NUDT3: variants seen among roughly 807,000 people sequenced by gnomAD.
The protein encoded by NUDT3 is nudix hydrolase 3.
A neutral mutation model predicts 23.6 loss-of-function variants in NUDT3; 9 were observed. The observed-to-expected ratio is 0.38, with a 90% confidence interval of 0.23 to 0.66. The LOEUF is 0.66. NUDT3 is among the 30% of genes least tolerant of loss of function. NUDT3 has a pLI of 0.52. For synonymous variants in NUDT3, 86 were observed against 82.6 expected, an observed-to-expected ratio of 1.04 and a Z score of -0.22; for missense variants, 172 against 218.5, an observed-to-expected ratio of 0.79 and a Z score of 1.34.
At chr6:34,390,580 T>A (rs376120825) in intron 1 of NUDT3, among the ~76,000 whole-genome samples, 2 of 152,166 alleles carry the variant, frequency 1.3e-5, no homozygotes, top group South Asian at 2.1e-4. Context: ...GTTGGCCAGG[T>A]TGGTCTCGAA....
At chr6:34,391,229 G>A (rs1033607859) in intron 1 of NUDT3, among the ~76,000 whole-genome samples, 3 of 152,100 alleles carry the variant, frequency 2.0e-5, no homozygotes, top group Non-Finnish European at 2.9e-5. Flanking sequence ...GCACTGTACT[G>A]CGGCCCTGCC....
intron 1 of NUDT3, among the ~76,000 whole-genome samples, chr6:34,364,230 T>C (rs1262687320): frequency 6.6e-6 from 1 of 152,182 alleles, no homozygotes; most frequent in African/African-American, 2.4e-5. Flanking sequence ...GAAAACATGA[T>C]TGGTGGAGGA....
In NUDT3 at chr6:34,315,224, G is replaced by A. The variant is rs74367114; in HGVS notation, c.211-19539C>T. ...TGGTTTTGAATTCTTAAGTGATTCT[G>A]GTTCTCTTATTACCTGAAAGCCTCC... On this transcript the variant is annotated intron_variant, in intron 2 of 4. Coordinates refer to ENST00000607016, the MANE Select transcript of NUDT3 (RefSeq NM_006703.4). Among the ~76,000 whole-genome samples the A allele has an allele frequency of 4.4e-3, 675 of 152,224 alleles. 7 individuals carry two copies. The highest frequency in any genetic ancestry group is 0.014 in the East Asian group (75 of 5,186).
rs1216231231 is a variant in NUDT3, at chr6:34,281,117, G to A, written c.*7636C>T. 1 of 152,214 alleles carries A rather than the reference G, an allele frequency of 6.6e-6. No homozygotes were observed. The highest frequency in any genetic ancestry group is 1.5e-5 in the Non-Finnish European group (1 of 68,050). The allele number at this position is 152,214 out of a possible 1,614,324, so 9.4% of individuals were successfully genotyped here. A position where few individuals can be genotyped will look rare whatever the true frequency, so the allele number is the denominator to read the frequency against. On this transcript the variant is annotated 3_prime_UTR_variant, in exon 5 of 5. Transcript: ENST00000607016. ...TTATAAGTAGAATGGTCCCAGGGAT[G>A]TTAACCTTTCTGATGCTGATAGTAG...
At chr6:34,380,169 C>T (rs1764989988) in intron 1 of NUDT3, among the ~76,000 whole-genome samples, 1 of 151,824 alleles carries the variant, frequency 6.6e-6, no homozygotes, top group African/African-American at 2.4e-5. Context: ...CTGCAACTTC[C>T]ACCTCCCGAG....
At position 34,280,001 on chromosome 6, in the gene NUDT3, G is replaced by T. The variant is rs1207503738; in HGVS notation, c.*8752C>A. 3 of 152,278 alleles carry T rather than the reference G, an allele frequency of 2.0e-5. No individual in the cohort carries two copies. The highest frequency in any genetic ancestry group is 2.9e-5 in the Non-Finnish European group (2 of 68,160). The allele number at this position is 152,278 out of a possible 1,614,324, so 9.4% of individuals were successfully genotyped here. A position where few individuals can be genotyped will look rare whatever the true frequency, so the allele number is the denominator to read the frequency against. On this transcript the variant is annotated 3_prime_UTR_variant, in exon 5 of 5. Coordinates refer to ENST00000607016, the MANE Select transcript of NUDT3 (RefSeq NM_006703.4). ...TGGCCTGTTCTTTAGAGAGGAAGGT[G>T]GGATGGTATCTGCTGTGTACCTGTC...
rs141744185 is a variant in NUDT3 at position 34,381,506 on chromosome 6, A to G, written c.99+10758T>C. The stretch of plus-strand genomic sequence containing the variant: ...AGGATGATTGTGCCCAGCTAAAATA[A>G]TTGAACCTACAAAAAAAAACCCACA... On this transcript the variant is annotated intron_variant, in intron 1 of 4. Transcript: ENST00000607016. Among the ~76,000 whole-genome samples, 1,399 of 152,238 alleles carry G rather than the reference A, an allele frequency of 9.2e-3. 14 individuals are homozygous for G. Among genetic ancestry groups the G allele is most frequent in the Middle Eastern group, 0.024 (7 of 294 alleles).
chr6:34,295,771 G>A lies in NUDT3; in HGVS notation c.211-86C>T. On this transcript the variant is annotated intron_variant, in intron 2 of 4. Transcript: ENST00000607016. ...GTCTTCTTAAGCAGTTTATAAAATA[G>A]AAACAAAAAACAAGAGGACACAGCT... 5.2e-6 allele frequency: 8 copies of A among 1,545,874 alleles called. No individual in the cohort carries two copies. The African/African-American group carries it at 5.5e-5, about 11-fold the overall frequency.
intron 4 of NUDT3, among the ~76,000 whole-genome samples, chr6:34,293,052 C>T (rs1561897423): frequency 1.3e-5 from 2 of 152,088 alleles, no homozygotes; most frequent in African/African-American, 4.8e-5. Context: ...TTATCCAGCT[C>T]TTGTTGTTCT....
chr6:34,283,924 C>T lies in NUDT3; in HGVS notation c.*4829G>A, dbSNP rs919213565. ...CAGCTCCTCCGGATGGTGAAGTCTC[C>T]GCTGCAAAACTCACGAAACAGCACA... On this transcript the variant is annotated 3_prime_UTR_variant, in exon 5 of 5. Coordinates refer to ENST00000607016, the MANE Select transcript of NUDT3 (RefSeq NM_006703.4). 5 of 152,168 alleles carry T rather than the reference C, an allele frequency of 3.3e-5. No individual in the cohort carries two copies. Among genetic ancestry groups the T allele is most frequent in the East Asian group, 1.9e-4 (1 of 5,198 alleles). The allele number at this position is 152,168 out of a possible 1,614,324, so 9.4% of individuals were successfully genotyped here.
At chr6:34,339,674 T>G (rs533980998) in intron 2 of NUDT3, among the ~76,000 whole-genome samples, 30 of 152,216 alleles carry the variant, frequency 2.0e-4, no homozygotes, top group Non-Finnish European at 3.8e-4. Context: ...CATTTGTTTA[T>G]GTATTGTACT....
chr6:34,311,469 A>G (rs1763771413), intron 2 of NUDT3, among the ~76,000 whole-genome samples: 1 of 152,264 alleles, frequency 6.6e-6, no homozygotes, highest in South Asian at 2.1e-4. Context: ...GTTAATGAAT[A>G]GGAAGACTCA....
rs192684060 is a variant in NUDT3 at position 34,322,032 on chromosome 6, C to G, written c.210+19830G>C. The stretch of plus-strand genomic sequence containing the variant: ...AAGCCTTAATTAGTTTAACTAGCCA[C>G]GTAAGGCAGCTAGTGGATGCCATAC... On this transcript the variant is annotated intron_variant, in intron 2 of 4. Transcript: ENST00000607016. 8.7e-4 allele frequency among the ~76,000 whole-genome samples: 132 copies of G among 152,230 alleles called. No homozygotes were observed. In the East Asian group the frequency reaches 0.011, roughly 12 times the overall value.
Position 34,293,471 on chromosome 6 carries a change from C to T in NUDT3, c.320G>A (p.Trp107Ter). 1 of 1,614,172 alleles carries T rather than the reference C, an allele frequency of 6.2e-7. No homozygotes were observed. Among genetic ancestry groups the T allele is most frequent in the Non-Finnish European group, 8.5e-7 (1 of 1,180,002 alleles). The change falls in exon 4 of 5, where the codon TGG (tryptophan) becomes TAG (stop). Residue 107 changes from tryptophan to a stop codon, truncating the protein, a stop_gained. Coordinates refer to ENST00000607016, the MANE Select transcript of NUDT3 (RefSeq NM_006703.4). LOFTEE classifies it high-confidence loss of function. ...CTTACCAATGTTAACTGAATCTTCC[C>T]AGTCTTCCAGCACTTCAGTGACAAT... ...VLIVTEVLED[W>*]EDSVNIGRKR...
intron 2 of NUDT3, among the ~76,000 whole-genome samples, chr6:34,332,176 A>G (rs747965961): frequency 3.3e-5 from 5 of 152,170 alleles, no homozygotes; most frequent in Non-Finnish European, 7.3e-5. Context: ...TTAACTACTA[A>G]TAATCTACTA....
chr6:34,366,786 C>G (rs1764742151), intron 1 of NUDT3, among the ~76,000 whole-genome samples: 1 of 152,052 alleles, frequency 6.6e-6, no homozygotes, highest in Non-Finnish European at 1.5e-5. Flanking sequence ...TTGAGATGGA[C>G]AGAAGTGACA....
chr6:34,383,162 A>G (rs1765051417), intron 1 of NUDT3, among the ~76,000 whole-genome samples: 1 of 151,826 alleles, frequency 6.6e-6, no homozygotes, highest in African/African-American at 2.4e-5. Flanking sequence ...GAAAAATCAC[A>G]ATCCTTCCTC....
At chr6:34,335,474 G>C (rs574211042) in intron 2 of NUDT3, among the ~76,000 whole-genome samples, 2 of 152,006 alleles carry the variant, frequency 1.3e-5, no homozygotes, top group African/African-American at 4.8e-5. Flanking sequence ...TATTACCACA[G>C]AAGTATTTTT....
intron 2 of NUDT3, among the ~76,000 whole-genome samples, chr6:34,335,112 T>C (rs751263395): frequency 2.6e-5 from 4 of 152,026 alleles, no homozygotes; most frequent in Non-Finnish European, 4.4e-5. Context: ...CAGACTGCAA[T>C]GGAAACATAC....
Sources: gnomAD v4.1 joint callset for allele counts (sites outside exome capture counted in the v4.1 genomes callset) on GRCh38, gnomAD v4.1.1 for gene constraint, MANE v1.5 for transcripts, NCBI Gene and HGNC (gene_info 2026-07-23, HGNC 2026-07-21) for gene names.